Variants in FBXO40 observed in about 807,000 individuals in gnomAD.
FBXO40 encodes the protein F-box protein 40.
FBXO40 carries 50 observed loss-of-function variants against 49.9 expected under a neutral mutation model. The ratio of observed to expected loss-of-function variants is 1.00; its 90% confidence interval spans 0.80 to 1.27. The LOEUF (loss-of-function observed/expected upper bound fraction) is 1.27. Ranked by LOEUF, FBXO40 falls within the 50% of genes most tolerant of loss-of-function variation. The pLI is 0.00. For missense variants in FBXO40, 895 were observed against 870.1 expected, an observed-to-expected ratio of 1.03 and a Z score of -0.36; for synonymous variants, 340 against 320.2, an observed-to-expected ratio of 1.06 and a Z score of -0.66.
At chr3:121,600,345 G>C (rs1022657020) in intron 1 of FBXO40, among the ~76,000 whole-genome samples, 2 of 151,970 alleles carry the variant, frequency 1.3e-5, no homozygotes, top group African/African-American at 4.8e-5. Flanking sequence ...GACTTATGTA[G>C]TGCATAGTTT....
Position 121,627,698 on chromosome 3 carries a change from C to A in FBXO40, c.*788C>A. 2.5e-6 allele frequency: 1 copy of A among 394,598 alleles called. No individual in the cohort carries two copies. The highest frequency in any genetic ancestry group is 4.5e-5 in the Admixed American group (1 of 22,394). The allele number at this position is 394,598 out of a possible 1,614,324, so 24.4% of individuals were successfully genotyped here. A position where few individuals can be genotyped will look rare whatever the true frequency, so the allele number is the denominator to read the frequency against. On this transcript the variant is annotated 3_prime_UTR_variant, in exon 4 of 4. Transcript: ENST00000338040. Reference sequence around the variant, plus strand: ...AACATTTTAATAATGACTTAAGGGTCAAGATTTTTTTCTTCTGAAAATTAT... The same window carrying A: ...AACATTTTAATAATGACTTAAGGGTAAAGATTTTTTTCTTCTGAAAATTAT...
chr3:121,597,062 G>A (rs1343466682), intron 1 of FBXO40, among the ~76,000 whole-genome samples: 1 of 152,044 alleles, frequency 6.6e-6, no homozygotes, highest in East Asian at 1.9e-4. Flanking sequence ...CCTCGCTGGC[G>A]ACAACACTTG....
chr3:121,599,683 C>CAT (rs2048891237), intron 1 of FBXO40, among the ~76,000 whole-genome samples: 1 of 78,846 alleles, frequency 1.3e-5, no homozygotes, highest in South Asian at 3.8e-4. Context: ...TGCACACACA[C>CAT]ACACACACAC....
chr3:121,620,495 G>A lies in FBXO40; in HGVS notation c.-30-51G>A, dbSNP rs1216505634. ...GTCTCTTTAGCCTCTATTAATATAG[G>A]TAACCTAACTGTTTTTCTTACTAAT... On this transcript the variant is annotated intron_variant, in intron 1 of 3. Transcript: ENST00000338040. 1.1e-5 allele frequency: 17 copies of A among 1,537,650 alleles called. No homozygotes were observed. In the East Asian group the frequency reaches 1.3e-4, roughly 12 times the overall value.
At chr3:121,620,780 C>A (rs1295662182) in intron 2 of FBXO40, among the ~76,000 whole-genome samples, 3 of 152,114 alleles carry the variant, frequency 2.0e-5, no homozygotes, top group African/African-American at 4.8e-5. Context: ...GATTTTTGAG[C>A]AAAGAGTTTA....
chr3:121,621,848 C>A lies in FBXO40; in HGVS notation c.419C>A (p.Ser140Tyr), dbSNP rs267599566. The A allele has an allele frequency of 3.1e-6, 5 of 1,614,016 alleles. No homozygotes were observed. The highest frequency in any genetic ancestry group is 3.4e-6 in the Non-Finnish European group (4 of 1,180,038). ...ALQDQKVLFR[S>Y]LKMVELFPET... ...CAGGATCAGAAGGTCCTCTTCAGAT[C>A]CTTGAAAATGGTGGAACTTTTCCCA... is the stretch of plus-strand genomic sequence containing the variant. Residue 140 changes from serine to tyrosine, a missense_variant, in exon 3 of 4, where the codon TCC becomes TAC. Ser to Tyr is a moderately radical substitution (Grantham distance 144). Transcript: ENST00000338040.
At chr3:121,612,913 C>CA (rs1480867291) in intron 1 of FBXO40, among the ~76,000 whole-genome samples, 18 of 151,760 alleles carry the variant, frequency 1.2e-4, no homozygotes, top group Admixed American at 9.8e-4. Context: ...ACTAAAAATA[C>CA]AAAAAAATTA....
intron 1 of FBXO40, among the ~76,000 whole-genome samples, chr3:121,613,602 T>G (rs2048980241): frequency 6.6e-6 from 1 of 152,208 alleles, no homozygotes; most frequent in Admixed American, 6.5e-5. Flanking sequence ...CTGGGGCTAA[T>G]TTTTTGCAAG....
At chr3:121,618,380 C>T (rs566829161) in intron 1 of FBXO40, among the ~76,000 whole-genome samples, 12 of 128,148 alleles carry the variant, frequency 9.4e-5, no homozygotes, top group African/African-American at 3.6e-4. Context: ...ATTTTCTTTC[C>T]TTCTTGTTTT....
intron 1 of FBXO40, among the ~76,000 whole-genome samples, chr3:121,595,066 C>G (rs2048864531): frequency 6.6e-6 from 1 of 152,168 alleles, no homozygotes; most frequent in African/African-American, 2.4e-5. Flanking sequence ...ATTCTGTACA[C>G]TCTGACCTTT....
At chr3:121,618,917 CTTTT>C (rs948709463) in intron 1 of FBXO40, among the ~76,000 whole-genome samples, 1 of 139,648 alleles carries the variant, frequency 7.2e-6, no homozygotes, top group African/African-American at 2.6e-5. Flanking sequence ...TTTGAAATGT[CTTTT>C]TTTTTTTTTT....
intron 1 of FBXO40, among the ~76,000 whole-genome samples, chr3:121,599,733 T>G (rs924886674): frequency 1.4e-5 from 2 of 144,800 alleles, no homozygotes. Flanking sequence ...TATTTTTTTT[T>G]TTTTTTGGAG....
In FBXO40 at chr3:121,628,182, T is replaced by C. The variant is rs1052530188; in HGVS notation, c.*1272T>C. On this transcript the variant is annotated 3_prime_UTR_variant, in exon 4 of 4. Coordinates refer to ENST00000338040, the MANE Select transcript of FBXO40 (RefSeq NM_016298.4). ...AAATGGATAATTCTTTTTTTTTTTT[T>C]CTAGGTGGGGAGGGGATGGAGTTCA... 1.7e-5 allele frequency: 5 copies of C among 287,718 alleles called. No homozygotes were observed. Among genetic ancestry groups the C allele is most frequent in the South Asian group, 1.6e-4 (1 of 6,102 alleles). 17.8% of individuals were successfully genotyped at this position (287,718 alleles called of 1,614,324 possible). A position where few individuals can be genotyped will look rare whatever the true frequency, so the allele number is the denominator to read the frequency against.
At chr3:121,625,515 A>G (rs1056761022) in intron 3 of FBXO40, among the ~76,000 whole-genome samples, 1 of 152,244 alleles carries the variant, frequency 6.6e-6, no homozygotes, top group African/African-American at 2.4e-5. Flanking sequence ...TCAAGTGTTA[A>G]ATAAACACTG....
At position 121,622,566 on chromosome 3, in the gene FBXO40, T is replaced by A. The variant is rs970825253; in HGVS notation, c.1137T>A (p.Asp379Glu). 6.2e-7 allele frequency: 1 copy of A among 1,614,082 alleles called. No homozygotes were observed. The highest frequency in any genetic ancestry group is 8.5e-7 in the Non-Finnish European group (1 of 1,180,050). Residue 379 changes from aspartate to glutamate, a missense_variant, in exon 3 of 4, where the codon GAT (aspartate) becomes GAA (glutamate). Asp to Glu is a conservative substitution (Grantham distance 45, BLOSUM62 2). Transcript: ENST00000338040. ...AGCCAAGTGAACACAAGGCAGTGGA[T>A]ACTTCAGATTTGGGGATCACTGTGG... Reference protein sequence around the residue: ...SCKPSEHKAVDTSDLGITVED... With the variant: ...SCKPSEHKAVETSDLGITVED...
rs1477816321 is a variant in FBXO40, at chr3:121,623,233, C to T, written c.1804C>T (p.Leu602=). ...SLAQLSQVSV[L]MRNICATLLQ... ...GGCCCAGCTCTCCCAGGTGTCTGTG[C>T]TGATGAGGAATATCTGTGCCACTTT... Residue 602 remains leucine (L), a synonymous_variant, in exon 3 of 4, where the codon CTG becomes TTG. Transcript: ENST00000338040. 6.2e-7 allele frequency: 1 copy of T among 1,614,174 alleles called. No homozygotes were observed. Among genetic ancestry groups the T allele is most frequent in the South Asian group, 1.1e-5 (1 of 91,076 alleles).
intron 1 of FBXO40, among the ~76,000 whole-genome samples, chr3:121,617,296 A>G (rs1310866061): frequency 6.6e-6 from 1 of 152,230 alleles, no homozygotes; most frequent in Non-Finnish European, 1.5e-5. Context: ...AATACTATGT[A>G]TCAATTAAAA....
chr3:121,626,941 TG>T lies in FBXO40; in HGVS notation c.*33del. 1.2e-6 allele frequency: 2 copies of T among 1,605,004 alleles called. No individual in the cohort carries two copies. The highest frequency in any genetic ancestry group is 1.7e-6 in the Non-Finnish European group (2 of 1,172,156). On this transcript the variant is annotated 3_prime_UTR_variant, in exon 4 of 4. Transcript: ENST00000338040. The stretch of plus-strand genomic sequence containing the variant: ...CAGATGCCACTCGATGCACCCTTCT[TG>T]GATTTCTTCTCGGAGTTCCTGAAGT...
At chr3:121,594,802 G>T (rs1254973576) in intron 1 of FBXO40, among the ~76,000 whole-genome samples, 2 of 152,134 alleles carry the variant, frequency 1.3e-5, no homozygotes, top group African/African-American at 4.8e-5. Flanking sequence ...ATAGGCTTAT[G>T]CACCAAAACC....
Sources: allele counts gnomAD v4.1 joint callset (sites outside exome capture counted in the v4.1 genomes callset), GRCh38; gene constraint gnomAD v4.1.1; transcripts MANE v1.5; gene names NCBI Gene and HGNC (gene_info 2026-07-23, HGNC 2026-07-21).